The following COA1 variants were observed in gnomAD, a reference collection of about 807,000 sequenced individuals.
The protein encoded by COA1 is cytochrome c oxidase assembly factor 1, also known as cytochrome c oxidase assembly factor 1 homolog.
In COA1, 13 loss-of-function variants were observed where a neutral mutation model predicts 16.0. The observed-to-expected ratio is 0.81, with a 90% CI of 0.53 to 1.29. The LOEUF is 1.29. Among genes scored for constraint, COA1 ranks in the 50% most tolerant of loss-of-function variants. The probability of loss-of-function intolerance (pLI) is 0.00; values close to 1 mark genes in which losing one functional copy is unlikely to be tolerated. For synonymous variants in COA1, 65 were observed against 65.7 expected, an observed-to-expected ratio of 0.99 and a Z score of 0.05; for missense variants, 179 against 177.0, an observed-to-expected ratio of 1.01 and a Z score of -0.06.
chr7:43,710,396 T>TATATATATATATATATA (rs1210512835), intron 1 of COA1, among the ~76,000 whole-genome samples: 54 of 97,430 alleles, frequency 5.5e-4, no homozygotes, highest in Middle Eastern at 5.7e-3. Context: ...ATATATATAT[T>TATATATATATATATATA]TTTAAGATAT....
At position 43,618,854 on chromosome 7, in the gene COA1, A is replaced by T. The variant is rs774814558; in HGVS notation, c.*134-9359T>A. On this transcript the variant is annotated intron_variant and NMD_transcript_variant, in intron 6 of 6. Coordinates refer to the COA1 transcript ENST00000415076. Reference sequence around the variant, plus strand: ...GAGAGAACTTAGGGTAGAAGTCATCAGTATGTAAGTGGCAGCTGAAGCTTT... The same window carrying T: ...GAGAGAACTTAGGGTAGAAGTCATCTGTATGTAAGTGGCAGCTGAAGCTTT... Among the ~76,000 whole-genome samples, 3 of 152,288 alleles carry T rather than the reference A, an allele frequency of 2.0e-5. No individual in the cohort carries two copies. In the East Asian group the frequency reaches 5.8e-4, roughly 29 times the overall value.
rs1172738017 is a variant in COA1, at chr7:43,688,995, G to T, written c.-38-40343C>A. Reference sequence around the variant, plus strand: ...TTCTATCACACAAAAAAGAAGAAAAGGGAAGCTGAGATTGGCTCACAGTCT... The same window carrying T: ...TTCTATCACACAAAAAAGAAGAAAATGGAAGCTGAGATTGGCTCACAGTCT... On this transcript the variant is annotated intron_variant, in intron 1 of 5. Transcript: ENST00000223336. Among the ~76,000 whole-genome samples the T allele has an allele frequency of 2.0e-5, 3 of 152,246 alleles. No homozygotes were observed. The East Asian group carries it at 5.8e-4, about 29-fold the overall frequency.
intron 1 of COA1, among the ~76,000 whole-genome samples, chr7:43,709,670 T>C (rs1585310748): frequency 6.6e-6 from 1 of 152,336 alleles, no homozygotes; most frequent in Middle Eastern, 3.4e-3. Flanking sequence ...TATAACACTG[T>C]CTTTGTTAAT....
chr7:43,728,890 AGAC>A (rs2095677939), intron 1 of COA1, among the ~76,000 whole-genome samples: 1 of 152,244 alleles, frequency 6.6e-6, no homozygotes, highest in Non-Finnish European at 1.5e-5. Flanking sequence ...ACACACATAC[AGAC>A]TGATAGGCAC....
chr7:43,655,249 T>C (rs1045563888), intron 1 of COA1, among the ~76,000 whole-genome samples: 3 of 152,308 alleles, frequency 2.0e-5, no homozygotes, highest in African/African-American at 7.2e-5. Context: ...GTAATCCTCC[T>C]GCCAAGTACT....
chr7:43,653,978 A>C (rs1461177966), intron 1 of COA1, among the ~76,000 whole-genome samples: 1 of 152,198 alleles, frequency 6.6e-6, no homozygotes, highest in Non-Finnish European at 1.5e-5. Flanking sequence ...ACACACAAGA[A>C]AAGACAGAAA....
intron 1 of COA1, among the ~76,000 whole-genome samples, chr7:43,660,204 A>G (rs2092285548): frequency 6.6e-6 from 1 of 152,144 alleles, no homozygotes; most frequent in Non-Finnish European, 1.5e-5. Context: ...CATCTCATTC[A>G]AGGGCATGAA....
intron 1 of COA1, among the ~76,000 whole-genome samples, chr7:43,720,569 G>C (rs1384265633): frequency 6.6e-6 from 1 of 151,952 alleles, no homozygotes; most frequent in East Asian, 1.9e-4. Context: ...AATATATCCT[G>C]GCAGATCAAT....
intron 1 of COA1, among the ~76,000 whole-genome samples, chr7:43,694,686 C>A (rs2094476201): frequency 6.6e-6 from 1 of 152,180 alleles, no homozygotes; most frequent in South Asian, 2.1e-4. Context: ...CTGGAATAGC[C>A]CAGGGCTCAC....
At chr7:43,727,853 AGTCT>A (rs1341843108) in intron 1 of COA1, among the ~76,000 whole-genome samples, 3 of 152,236 alleles carry the variant, frequency 2.0e-5, no homozygotes, top group African/African-American at 7.2e-5. Context: ...AACTTATTGG[AGTCT>A]GTCTGAAATA....
chr7:43,705,227 C>T (rs1178258911), intron 1 of COA1, among the ~76,000 whole-genome samples: 6 of 152,220 alleles, frequency 3.9e-5, no homozygotes, highest in Non-Finnish European at 2.9e-5. Context: ...CCGATGGCAG[C>T]TGCCAGCAAA....
At chr7:43,662,736 T>G (rs773684052) in intron 1 of COA1, among the ~76,000 whole-genome samples, 2 of 152,174 alleles carry the variant, frequency 1.3e-5, no homozygotes, top group Non-Finnish European at 2.9e-5. Context: ...AATAAATATT[T>G]TTTCAGTTCT....
chr7:43,646,773 G>A (rs190176052), intron 3 of COA1: 48 of 353,578 alleles, frequency 1.4e-4, no homozygotes, highest in Admixed American at 3.0e-4. Context: ...GCAGGATGGT[G>A]CAGAAAGGCT....
At chr7:43,716,680 G>A (rs181665005) in intron 1 of COA1, among the ~76,000 whole-genome samples, 26 of 152,290 alleles carry the variant, frequency 1.7e-4, no homozygotes, top group South Asian at 4.1e-4. Context: ...AAAAGTAGCA[G>A]GGAGCCCAAT....
intron 1 of COA1, among the ~76,000 whole-genome samples, chr7:43,652,379 G>A (rs1402901919): frequency 6.6e-6 from 1 of 152,130 alleles, no homozygotes; most frequent in African/African-American, 2.4e-5. Flanking sequence ...CATGCAAGAT[G>A]TTTGATATGC....
chr7:43,671,384 T>A (rs28811399), intron 1 of COA1, among the ~76,000 whole-genome samples: 22,297 of 150,684 alleles, frequency 0.15, 2,178 homozygotes, highest in Non-Finnish European at 0.22. Flanking sequence ...GCAATGGACT[T>A]GTATCTAGAA....
chr7:43,712,455 A>G (rs2095281191), intron 1 of COA1, among the ~76,000 whole-genome samples: 1 of 152,046 alleles, frequency 6.6e-6, no homozygotes, highest in Non-Finnish European at 1.5e-5. Flanking sequence ...CTGCTTTCAC[A>G]CTTCCAGGGT....
intron 1 of COA1, among the ~76,000 whole-genome samples, chr7:43,669,783 A>C (rs904215647): frequency 4.2e-5 from 6 of 143,146 alleles, no homozygotes; most frequent in African/African-American, 1.6e-4. Context: ...AAAAAAAAAA[A>C]CCATCACATC....
chr7:43,700,476 A>G (rs1221896149), intron 1 of COA1, among the ~76,000 whole-genome samples: 1 of 151,800 alleles, frequency 6.6e-6, no homozygotes, highest in African/African-American at 2.4e-5. Context: ...CGTTACCATC[A>G]CAGAAAAAAA....
Sources: allele counts gnomAD v4.1 joint callset (sites outside exome capture counted in the v4.1 genomes callset), GRCh38; gene constraint gnomAD v4.1.1; transcripts MANE v1.5; gene names NCBI Gene and HGNC (gene_info 2026-07-23, HGNC 2026-07-21).